Variants in VPS13D observed in about 807,000 individuals in gnomAD.
VPS13D encodes intermembrane lipid transfer protein VPS13D.
In VPS13D, 187 loss-of-function variants were observed where a neutral mutation model predicts 461.9. The ratio of observed to expected loss-of-function variants is 0.40; its 90% CI spans 0.36 to 0.46. The LOEUF (loss-of-function observed/expected upper bound fraction) is 0.46. Ranked by LOEUF, VPS13D falls within the 20% of genes least tolerant of loss-of-function variation. The probability of loss-of-function intolerance (pLI) is 0.60; values close to 1 mark genes in which losing one functional copy is unlikely to be tolerated. For missense variants in VPS13D, 4,711 were observed against 5,364.9 expected (o/e 0.88, Z 3.81); for synonymous variants, 1,951 against 1,986.3 (o/e 0.98, Z 0.47).
chr1:12,362,176 A>G (rs1275456785), intron 50 of VPS13D, among the ~76,000 whole-genome samples: 1 of 152,222 alleles, frequency 6.6e-6, no homozygotes, highest in Non-Finnish European at 1.5e-5. Context: ...AATAAGTTCT[A>G]TAGTACTTAG....
chr1:12,273,841 G>A (rs1041267306), intron 18 of VPS13D, among the ~76,000 whole-genome samples: 7 of 151,840 alleles, frequency 4.6e-5, no homozygotes, highest in Admixed American at 3.3e-4. Context: ...TTGCTATTAG[G>A]CATATTGCTG....
intron 40 of VPS13D, among the ~76,000 whole-genome samples, chr1:12,338,561 T>C (rs1337819621): frequency 1.3e-5 from 2 of 152,158 alleles, no homozygotes; most frequent in Non-Finnish European, 2.9e-5. Context: ...TGCAGAAATA[T>C]GTTAATACAA....
chr1:12,256,549 G>T, intron 8 of VPS13D, 46 bp downstream of exon 8: 2 of 1,597,310 alleles, frequency 1.3e-6, no homozygotes, highest in Non-Finnish European at 1.7e-6. Flanking sequence ...TCAAACTGGT[G>T]ACTGCAGTGA....
intron 6 of VPS13D, chr1:12,249,608 C>T (rs1427517331): frequency 7.3e-6 from 2 of 272,206 alleles, no homozygotes; most frequent in Non-Finnish European, 1.4e-5. Context: ...TGATTTTTTT[C>T]TCGTGTTATG....
intron 61 of VPS13D, among the ~76,000 whole-genome samples, chr1:12,400,962 G>GCGCGCACACACACACA (rs1253464149): frequency 1.9e-5 from 2 of 106,218 alleles, no homozygotes; most frequent in African/African-American, 6.7e-5. Flanking sequence ...CTGCGCGCGC[G>GCGCGCACACACACACA]CACACACACA....
At position 12,348,372 on chromosome 1, in the gene VPS13D, C is replaced by T. The variant is rs560195631; in HGVS notation, c.9070-451C>T. ...TGTGTTGGATGTTCTTTATTTAATT[C>T]CCTGCCAGTAGAGTAGAAGACAAGC... is the stretch of plus-strand genomic sequence containing the variant. On this transcript the variant is annotated intron_variant, in intron 44 of 69. Transcript: ENST00000620676. Among the ~76,000 whole-genome samples the T allele has an allele frequency of 1.9e-3, 287 of 152,274 alleles. 1 individual carries two copies. Among genetic ancestry groups the T allele is most frequent in the African/African-American group, 6.4e-3 (267 of 41,558 alleles).
chr1:12,391,532 G>A lies in VPS13D; in HGVS notation c.11634+5198G>A, dbSNP rs72868247. ...TTGATGATGGAATGCTGCTGTGTAC[G>A]ACCCACTTTATGGCTAGATGGGTGG... On this transcript the variant is annotated intron_variant, in intron 60 of 69. Transcript: ENST00000620676. Among the ~76,000 whole-genome samples, 1,503 of 152,234 alleles carry A rather than the reference G, an allele frequency of 9.9e-3. 27 individuals carry two copies. The highest frequency in any genetic ancestry group is 0.035 in the African/African-American group (1,437 of 41,530).
intron 63 of VPS13D, among the ~76,000 whole-genome samples, chr1:12,410,345 A>G (rs1389953012): frequency 6.6e-6 from 1 of 152,192 alleles, no homozygotes; most frequent in Non-Finnish European, 1.5e-5. Flanking sequence ...ATAAGGACTA[A>G]AACACACCAG....
chr1:12,420,080 GT>G (rs1324317529), intron 65 of VPS13D, among the ~76,000 whole-genome samples: 1 of 152,132 alleles, frequency 6.6e-6, no homozygotes, highest in African/African-American at 2.4e-5. Context: ...AATCTTAGGT[GT>G]TTATAGAGAT....
intron 57 of VPS13D, among the ~76,000 whole-genome samples, chr1:12,381,900 T>TTTTTTC (rs1408098326): frequency 2.5e-5 from 3 of 120,726 alleles, no homozygotes; most frequent in Non-Finnish European, 5.7e-5. Context: ...CAGTCTGTCT[T>TTTTTTC]TTTTTCTTTT....
intron 2 of VPS13D, among the ~76,000 whole-genome samples, chr1:12,235,825 T>C (rs949886397): frequency 6.6e-6 from 1 of 152,158 alleles, no homozygotes; most frequent in Non-Finnish European, 1.5e-5. Context: ...TCTGGTCTCT[T>C]ATTGAAGTTC....
intron 28 of VPS13D, 93 bp downstream of exon 28, chr1:12,311,718 G>A: frequency 6.3e-7 from 1 of 1,583,938 alleles, no homozygotes; most frequent in East Asian, 2.2e-5. Flanking sequence ...GGAGAAAGAA[G>A]GTGGAGCAAC....
chr1:12,490,425 T>C (rs796983683), intron 67 of VPS13D, among the ~76,000 whole-genome samples: 4 of 152,362 alleles, frequency 2.6e-5, no homozygotes, highest in African/African-American at 9.6e-5. Flanking sequence ...AGGCAAACTT[T>C]AGAAATTTTC....
Position 12,267,028 on chromosome 1 carries a change from G to C in VPS13D, c.1725+17G>C. ...CCTAATCCAGTATGTACAACAGTTG[G>C]ATAGTTAATGTATCTAAGGTGTTGG... On this transcript the variant is annotated intron_variant, in intron 14 of 69. Coordinates refer to ENST00000620676, the MANE Select transcript of VPS13D (RefSeq NM_015378.4). 1 of 1,551,632 alleles carries C rather than the reference G, an allele frequency of 6.4e-7. No individual in the cohort carries two copies.
Position 12,400,960 on chromosome 1 carries a change from GCGCACACACA to G in VPS13D, c.11784+632_11785-637del, listed in dbSNP as rs1289922752. The stretch of plus-strand genomic sequence containing the variant: ...TAGAGTGAGATGTGCACCTGCGCGC[GCGCACACACA>G]CACACACACACACACACACACACAC... On this transcript the variant is annotated intron_variant, in intron 61 of 69. Coordinates refer to ENST00000620676, the MANE Select transcript of VPS13D (RefSeq NM_015378.4). Among the ~76,000 whole-genome samples, 770 of 131,026 alleles carry G rather than the reference GCGCACACACA, an allele frequency of 5.9e-3. 6 individuals are homozygous for G. The highest frequency in any genetic ancestry group is 0.02 in the African/African-American group (667 of 33,118). 86.0% of individuals were successfully genotyped at this position (131,026 alleles called of 152,430 possible).
intron 67 of VPS13D, among the ~76,000 whole-genome samples, chr1:12,488,830 A>G (rs1645838798): frequency 6.6e-6 from 1 of 152,228 alleles, no homozygotes; most frequent in Non-Finnish European, 1.5e-5. Context: ...ATTAGAGGTG[A>G]CAGGTTAGCA....
rs199796890 is a variant in VPS13D, at chr1:12,507,267, C to T, written c.13035+174C>T. The T allele has an allele frequency of 1.5e-5, 17 of 1,167,190 alleles. No homozygotes were observed. Among genetic ancestry groups the T allele is most frequent in the African/African-American group, 4.5e-5 (3 of 66,418 alleles). 72.3% of individuals were successfully genotyped at this position (1,167,190 alleles called of 1,614,324 possible). On this transcript the variant is annotated intron_variant, in intron 69 of 69. Transcript: ENST00000620676. The surrounding 1 kb of genome is among the most constrained non-coding windows in gnomAD (Gnocchi z 5.3). ...AGGGGCCCAGGGTATGTTCACGGGG[C>T]GATGCTGCCCTCCCAGCTGGCCCAT...
chr1:12,268,004 C>G (rs765341013), intron 15 of VPS13D, 84 bp downstream of exon 15: 6 of 1,167,474 alleles, frequency 5.1e-6, no homozygotes, highest in Non-Finnish European at 6.1e-6. Flanking sequence ...CTCTGTCACC[C>G]AGGCTGGAGT....
At chr1:12,323,628 T>C (rs898110368) in intron 34 of VPS13D, 78 bp from the exon 35 acceptor site, 1 of 1,425,810 alleles carries the variant, frequency 7.0e-7, no homozygotes, top group African/African-American at 1.5e-5. Flanking sequence ...TAAATTTCTT[T>C]TCTTTTTTTC....
Sources: allele counts gnomAD v4.1 joint callset (sites outside exome capture counted in the v4.1 genomes callset), GRCh38; gene constraint gnomAD v4.1.1; non-coding constraint Gnocchi (gnomAD v3.1); transcripts MANE v1.5; gene names NCBI Gene and HGNC (gene_info 2026-07-23, HGNC 2026-07-21).